Variants in SECISBP2L observed in about 807,000 individuals in gnomAD.
The protein encoded by SECISBP2L is SECIS binding protein 2 like.
Under a neutral mutation model 114.7 loss-of-function variants are expected in SECISBP2L, and 43 were observed. The ratio of observed to expected loss-of-function variants is 0.38; its 90% CI spans 0.29 to 0.48. The LOEUF (loss-of-function observed/expected upper bound fraction) is 0.48. SECISBP2L is among the 20% of genes least tolerant of loss of function. The pLI, the probability that SECISBP2L is intolerant of heterozygous loss-of-function variation, is 0.98. For synonymous variants in SECISBP2L, 451 were observed against 439.7 expected, an observed-to-expected ratio of 1.03 and a Z score of -0.32; for missense variants, 1,136 against 1,301.1, an observed-to-expected ratio of 0.87 and a Z score of 1.95.
Position 48,992,037 on chromosome 15 carries a change from G to C in SECISBP2L, c.*207C>G. Reference sequence around the variant, plus strand: ...TTACAAAATAAGCTGAAACAGATCTGAATTTTCCACACAGTTCTTAGAAAG... The same window carrying C: ...TTACAAAATAAGCTGAAACAGATCTCAATTTTCCACACAGTTCTTAGAAAG... On this transcript the variant is annotated 3_prime_UTR_variant, in exon 18 of 18. Coordinates refer to ENST00000559471, the MANE Select transcript of SECISBP2L (RefSeq NM_001193489.2). The C allele has an allele frequency of 4.5e-6, 2 of 449,152 alleles. No homozygotes were observed. Among genetic ancestry groups the C allele is most frequent in the Non-Finnish European group, 3.9e-6 (1 of 256,784 alleles). The allele number at this position is 449,152 out of a possible 1,614,324, so 27.8% of individuals were successfully genotyped here.
intron 4 of SECISBP2L, among the ~76,000 whole-genome samples, chr15:49,030,247 T>C (rs1210666930): frequency 1.3e-5 from 2 of 152,210 alleles, no homozygotes; most frequent in Non-Finnish European, 1.5e-5. Context: ...TGTTCTGTAC[T>C]TAGAGTAGTA....
At position 48,994,998 on chromosome 15, in the gene SECISBP2L, A is replaced by G. The variant is rs142150418; in HGVS notation, c.2623+1369T>C. On this transcript the variant is annotated intron_variant, in intron 17 of 17. Coordinates refer to ENST00000559471, the MANE Select transcript of SECISBP2L (RefSeq NM_001193489.2). ...CTAAGGAGAAATCCAAGACCCCGAG[A>G]TTAACTGATTACACCTAAAACCTTT... is the stretch of plus-strand genomic sequence containing the variant. 5.9e-5 allele frequency among the ~76,000 whole-genome samples: 9 copies of G among 152,282 alleles called. No homozygotes were observed. In the East Asian group the frequency reaches 1.7e-3, roughly 29 times the overall value.
intron 1 of SECISBP2L, among the ~76,000 whole-genome samples, chr15:49,041,666 C>T (rs1903134264): frequency 6.6e-6 from 1 of 152,112 alleles, no homozygotes; most frequent in Non-Finnish European, 1.5e-5. Context: ...CACTTAAAAT[C>T]AAAACTGAAG....
rs948951737 is a variant in SECISBP2L, at chr15:49,033,024, G to C, written c.605C>G (p.Ala202Gly). ...KNVATQKETN[A>G]AGPDSRSKIV... ...TTTTGATCGACTATCAGGACCTGCTGCATTTGTTTCTTTCTGAGTAGCTAC... is the reference window on the plus strand; with the variant it reads ...TTTTGATCGACTATCAGGACCTGCTCCATTTGTTTCTTTCTGAGTAGCTAC... The change falls in exon 4 of 18, where the codon GCA becomes GGA. Residue 202 changes from alanine to glycine, a missense_variant. Ala to Gly is a moderately conservative substitution (Grantham distance 60). Transcript: ENST00000559471. 8.1e-6 allele frequency: 13 copies of C among 1,614,026 alleles called. No homozygotes were observed. In the East Asian group the frequency reaches 2.9e-4, roughly 36 times the overall value.
chr15:49,025,298 T>C (rs1452059645), intron 7 of SECISBP2L, among the ~76,000 whole-genome samples: 1 of 152,186 alleles, frequency 6.6e-6, no homozygotes, highest in African/African-American at 2.4e-5. Flanking sequence ...TTATTCCTTA[T>C]CTGAAATGCT....
In SECISBP2L at chr15:49,019,518, G is replaced by A; in HGVS notation, c.1070C>T (p.Ser357Leu). ...CTTTTGCAAATTCTGTCTTCTTTCT[G>A]AGGAAGTACTGTGTCCTCGGCATCT... ...GFRCRGHSTSSERRQNLQKRP... is the reference protein window; with the variant it reads ...GFRCRGHSTSLERRQNLQKRP... The change falls in exon 8 of 18, where the codon TCA (serine) becomes TTA (leucine). Residue 357 changes from serine to leucine, a missense_variant. Ser to Leu is a moderately radical substitution (Grantham distance 145, BLOSUM62 -2). Transcript: ENST00000559471. 6.6e-7 allele frequency: 1 copy of A among 1,515,750 alleles called. No homozygotes were observed. The highest frequency in any genetic ancestry group is 2.1e-5 in the Admixed American group (1 of 46,906). The allele number at this position is 1,515,750 out of a possible 1,614,324, so 93.9% of individuals were successfully genotyped here.
chr15:48,992,706 T>C lies in SECISBP2L; in HGVS notation c.2844A>G (p.Pro948=). ...GCTGTGAGGCCCATTCCAGGTCATC[T>C]GGCTTCACTTCCTCTTTATCACTTG... is the stretch of plus-strand genomic sequence containing the variant. The part of the protein sequence containing the change: ...STASDKEEVK[P]DDLEWASQQS... The change falls in exon 18 of 18, where the codon CCA becomes CCG. Residue 948 remains proline (P), a synonymous_variant. Coordinates refer to ENST00000559471, the MANE Select transcript of SECISBP2L (RefSeq NM_001193489.2). 6.2e-7 allele frequency: 1 copy of C among 1,614,214 alleles called. No individual in the cohort carries two copies. The highest frequency in any genetic ancestry group is 8.5e-7 in the Non-Finnish European group (1 of 1,180,034).
Position 49,028,468 on chromosome 15 carries a change from A to G in SECISBP2L, c.879T>C (p.Asp293=), listed in dbSNP as rs913599942. ...TGTCACATACATTCATGGTCCCAGA[A>G]TCAGGATTTCTCAAAGCCCCTGCTG... ...QPAAGALRNP[D]SGTMNHVESS... The change falls in exon 5 of 18, where the codon GAT becomes GAC. Residue 293 remains aspartate, a synonymous_variant. Transcript: ENST00000559471. 5.0e-6 allele frequency: 8 copies of G among 1,614,150 alleles called. No individual in the cohort carries two copies. The highest frequency in any genetic ancestry group is 3.4e-6 in the Non-Finnish European group (4 of 1,179,986).
Position 49,038,902 on chromosome 15 carries a change from A to G in SECISBP2L, c.25-1133T>C. On this transcript the variant is annotated intron_variant, in intron 1 of 17. Coordinates refer to ENST00000559471, the MANE Select transcript of SECISBP2L (RefSeq NM_001193489.2). ...TTTTCCCAACAAACCCACTAGGGTG[A>G]TATTTATTAGAGGCTCCCACCAAAA... is the stretch of plus-strand genomic sequence containing the variant. 1.3e-5 allele frequency among the ~76,000 whole-genome samples: 2 copies of G among 152,188 alleles called. 1 individual carries two copies. Among genetic ancestry groups the G allele is most frequent in the Non-Finnish European group, 2.9e-5 (2 of 68,016 alleles).
chr15:49,035,295 A>G, intron 3 of SECISBP2L, 39 bp downstream of exon 3: 4 of 1,564,468 alleles, frequency 2.6e-6, no homozygotes, highest in Non-Finnish European at 3.5e-6. Flanking sequence ...TAATATAAGT[A>G]ATATCAAATT....
At chr15:49,035,742 A>G in intron 2 of SECISBP2L, 84 bp from the exon 3 acceptor site, 1 of 1,235,008 alleles carries the variant, frequency 8.1e-7, no homozygotes, top group Non-Finnish European at 1.1e-6. Flanking sequence ...TTACACTAAT[A>G]AAAGACAAAA....
chr15:49,009,690 G>A (rs1902398121), intron 13 of SECISBP2L, among the ~76,000 whole-genome samples: 3 of 151,576 alleles, frequency 2.0e-5, no homozygotes, highest in Admixed American at 2.0e-4. Flanking sequence ...CCTGAGAAAC[G>A]TTGTGAGACT....
intron 7 of SECISBP2L, among the ~76,000 whole-genome samples, chr15:49,023,299 C>T (rs956504899): frequency 6.6e-6 from 1 of 152,034 alleles, no homozygotes; most frequent in African/African-American, 2.4e-5. Context: ...AGGATAGGAC[C>T]AGGTAAGTTC....
In SECISBP2L at chr15:48,992,797, C is replaced by A; in HGVS notation, c.2753G>T (p.Gly918Val). Residue 918 changes from glycine to valine, a missense_variant, in exon 18 of 18, where the codon GGT (glycine) becomes GTT (valine). By Grantham distance (109) the Gly-to-Val change is moderately radical (BLOSUM62 -3). Transcript: ENST00000559471. ...TGTAGCCACTAATGATGGCTGCTTACCAATTGGGGGTGTGTCAAATGGAAG... is the reference window on the plus strand; with the variant it reads ...TGTAGCCACTAATGATGGCTGCTTAACAATTGGGGGTGTGTCAAATGGAAG... ...SKLPFDTPPI[G>V]KQPSLVATGS... 3 of 1,614,178 alleles carry A rather than the reference C, an allele frequency of 1.9e-6. No individual in the cohort carries two copies. Among genetic ancestry groups the A allele is most frequent in the Non-Finnish European group, 2.5e-6 (3 of 1,180,038 alleles).
intron 16 of SECISBP2L, among the ~76,000 whole-genome samples, chr15:48,998,238 C>A (rs1361135822): frequency 6.6e-6 from 1 of 152,138 alleles, no homozygotes; most frequent in African/African-American, 2.4e-5. Flanking sequence ...TAAGTAGCAT[C>A]CTTTATCCAG....
At chr15:48,992,950 T>A (rs1016505091) in intron 17 of SECISBP2L, 24 bp from the exon 18 acceptor site, 1 of 1,582,324 alleles carries the variant, frequency 6.3e-7, no homozygotes, top group Admixed American at 1.8e-5. Flanking sequence ...GCAGATTTTT[T>A]AAAAACCAGA....
chr15:49,043,533 T>C lies in SECISBP2L; in HGVS notation c.24+2743A>G, dbSNP rs1006205134. On this transcript the variant is annotated intron_variant, in intron 1 of 17. Transcript: ENST00000559471. The stretch of plus-strand genomic sequence containing the variant: ...TTACTTTAAAAAATCTCAATAAATT[T>C]CCTAAAAATAGAACCAGTAAGCCTT... Among the ~76,000 whole-genome samples the C allele has an allele frequency of 3.7e-4, 56 of 152,016 alleles. 1 individual carries two copies. In the Middle Eastern group the frequency reaches 0.017, roughly 46 times the overall value.
At chr15:49,002,386 C>G (rs1229253343) in intron 14 of SECISBP2L, among the ~76,000 whole-genome samples, 1 of 152,160 alleles carries the variant, frequency 6.6e-6, no homozygotes, top group Non-Finnish European at 1.5e-5. Flanking sequence ...AAAACTTTCT[C>G]CCATCGTATA....
In SECISBP2L at chr15:49,019,521, G is replaced by A; in HGVS notation, c.1067C>T (p.Ser356Phe). 10 of 1,512,698 alleles carry A rather than the reference G, an allele frequency of 6.6e-6. No individual in the cohort carries two copies. The highest frequency in any genetic ancestry group is 1.4e-5 in the African/African-American group (1 of 71,770). The allele number at this position is 1,512,698 out of a possible 1,614,324, so 93.7% of individuals were successfully genotyped here. A position where few individuals can be genotyped will look rare whatever the true frequency, so the allele number is the denominator to read the frequency against. The change falls in exon 8 of 18, where the codon TCC becomes TTC. Residue 356 changes from serine to phenylalanine, a missense_variant. Coordinates refer to ENST00000559471, the MANE Select transcript of SECISBP2L (RefSeq NM_001193489.2). ...TTGCAAATTCTGTCTTCTTTCTGAG[G>A]AAGTACTGTGTCCTCGGCATCTGAA... is the stretch of plus-strand genomic sequence containing the variant. ...VGFRCRGHST[S>F]SERRQNLQKR...
Sources: allele counts gnomAD v4.1 joint callset (sites outside exome capture counted in the v4.1 genomes callset), GRCh38; gene constraint gnomAD v4.1.1; transcripts MANE v1.5; gene names NCBI Gene and HGNC (gene_info 2026-07-23, HGNC 2026-07-21).